The following CACNA2D1 variants were observed in gnomAD, a reference collection of about 807,000 sequenced individuals.
CACNA2D1 encodes the protein voltage-dependent calcium channel subunit alpha-2/delta-1.
In CACNA2D1, 53 loss-of-function variants were observed where a neutral mutation model predicts 171.5. The observed-to-expected ratio is 0.31, with a 90% CI of 0.25 to 0.39. The LOEUF (loss-of-function observed/expected upper bound fraction) is 0.39, where lower values mean the gene tolerates loss of function less well. CACNA2D1 is among the 10% of genes least tolerant of loss of function. The pLI, the probability that CACNA2D1 is intolerant of heterozygous loss-of-function variation, is 1.00. For missense variants in CACNA2D1, 903 were observed against 1,299.8 expected (o/e 0.69, Z 4.69); for synonymous variants, 442 against 443.1 (o/e 1.00, Z 0.03).
intron 10 of CACNA2D1, among the ~76,000 whole-genome samples, chr7:82,056,009 TA>T (rs61512655): frequency 0.095 from 3,990 of 41,906 alleles, 94 homozygotes; most frequent in African/African-American, 0.12. Context: ...ACTCAAAAGT[TA>T]AAAAAAAAAA....
intron 12 of CACNA2D1, chr7:82,027,595 A>G (rs1374515149): frequency 6.6e-6 from 1 of 151,692 alleles, no homozygotes; most frequent in African/African-American, 2.4e-5. Context: ...TATGCATATA[A>G]TCATATGTGT....
intron 3 of CACNA2D1, among the ~76,000 whole-genome samples, chr7:82,264,906 C>A (rs940319063): frequency 6.6e-6 from 1 of 152,150 alleles, no homozygotes; most frequent in East Asian, 1.9e-4. Context: ...GATATCTCCC[C>A]ATTGTTTCCC....
intron 2 of CACNA2D1, 95 bp downstream of exon 2, chr7:82,349,473 C>T: frequency 1.0e-6 from 1 of 983,366 alleles, no homozygotes; most frequent in Non-Finnish European, 1.6e-6. Flanking sequence ...GAAATCATAT[C>T]CCATTTGTAA....
chr7:82,334,618 T>C (rs1002548142), intron 3 of CACNA2D1, among the ~76,000 whole-genome samples: 5 of 151,886 alleles, frequency 3.3e-5, no homozygotes, highest in Non-Finnish European at 5.9e-5. Context: ...TGCTAAAAAG[T>C]AAGCAAACTA....
intron 6 of CACNA2D1, among the ~76,000 whole-genome samples, chr7:82,111,444 A>ATATATATATATTTTT (rs1207440298): frequency 1.4e-5 from 1 of 69,968 alleles, no homozygotes; most frequent in African/African-American, 6.8e-5. Flanking sequence ...ATATATATAT[A>ATATATATATATTTTT]TTTTTTTTTT....
rs139148700 is a variant in CACNA2D1, at chr7:82,191,277, A to G, written c.295-20668T>C. On this transcript the variant is annotated intron_variant, in intron 3 of 38. Transcript: ENST00000356860. The stretch of plus-strand genomic sequence containing the variant: ...TTAAGTTACATCTTTGCATCTATTC[A>G]ATATAATAATTCTAGCATGCTTACT... Among the ~76,000 whole-genome samples the G allele has an allele frequency of 9.0e-3, 1,373 of 151,916 alleles. 19 individuals are homozygous for G. Among genetic ancestry groups the G allele is most frequent in the Middle Eastern group, 0.017 (5 of 294 alleles).
At chr7:82,130,800 T>C (rs1393059987) in intron 5 of CACNA2D1, among the ~76,000 whole-genome samples, 2 of 95,978 alleles carry the variant, frequency 2.1e-5, no homozygotes, top group Admixed American at 1.1e-4. Context: ...TCTTTTTTTT[T>C]TTTTTTTTTT....
chr7:82,120,211 ATG>A (rs1789555782), intron 5 of CACNA2D1, among the ~76,000 whole-genome samples: 1 of 152,168 alleles, frequency 6.6e-6, no homozygotes, highest in Admixed American at 6.5e-5. Context: ...GTGTGTGTGC[ATG>A]TGTGTAGGAT....
At chr7:82,299,970 C>T (rs960922336) in intron 3 of CACNA2D1, among the ~76,000 whole-genome samples, 5 of 152,080 alleles carry the variant, frequency 3.3e-5, no homozygotes. Flanking sequence ...CTGAAATGGG[C>T]GCGTATGGAT....
At chr7:82,117,208 T>G in intron 5 of CACNA2D1, 35 bp from the exon 6 acceptor site, 1 of 1,605,770 alleles carries the variant, frequency 6.2e-7, no homozygotes, top group Middle Eastern at 1.7e-4. Flanking sequence ...ATATTACAAT[T>G]TTTGCTAACA....
chr7:82,432,192 T>C (rs1829744094), intron 1 of CACNA2D1, among the ~76,000 whole-genome samples: 1 of 152,094 alleles, frequency 6.6e-6, no homozygotes, highest in Admixed American at 6.5e-5. Context: ...ACACCAAAAT[T>C]AGTTCAAACT....
intron 1 of CACNA2D1, among the ~76,000 whole-genome samples, chr7:82,378,972 T>C (rs958142183): frequency 2.0e-4 from 30 of 151,692 alleles, no homozygotes; most frequent in Admixed American, 4.6e-4. Flanking sequence ...TGTGTGTGTG[T>C]GTGTGTGTGT....
chr7:82,226,997 T>C (rs77905789), intron 3 of CACNA2D1, among the ~76,000 whole-genome samples: 5,680 of 152,320 alleles, frequency 0.037, 149 homozygotes, highest in Middle Eastern at 0.082. Context: ...TATATTACCT[T>C]GGCACTTATT....
rs1792308596 is a variant in CACNA2D1, at chr7:81,949,574, G to A, written c.*818C>T. ...TCCCCCCTGACAAGCTTTTCTTAGA[G>A]CATTTTTAAATATCTGGCTAGCACT... On this transcript the variant is annotated 3_prime_UTR_variant, in exon 39 of 39. Transcript: ENST00000356860. 6.6e-6 allele frequency: 1 copy of A among 152,022 alleles called. No homozygotes were observed. The highest frequency in any genetic ancestry group is 2.1e-4 in the South Asian group (1 of 4,836). 9.4% of individuals were successfully genotyped at this position (152,022 alleles called of 1,614,324 possible). A position where few individuals can be genotyped will look rare whatever the true frequency, so the allele number is the denominator to read the frequency against.
chr7:82,283,148 C>T (rs1389487687), intron 3 of CACNA2D1, among the ~76,000 whole-genome samples: 5 of 151,584 alleles, frequency 3.3e-5, no homozygotes, highest in Admixed American at 6.6e-5. Context: ...AATCTAACTG[C>T]GGCTATTAAA....
chr7:82,286,370 A>G (rs1351489053), intron 3 of CACNA2D1, among the ~76,000 whole-genome samples: 1 of 152,114 alleles, frequency 6.6e-6, no homozygotes, highest in African/African-American at 2.4e-5. Flanking sequence ...ATTTATAATC[A>G]CTCGCAGGAA....
chr7:82,095,976 T>C (rs1408837140), intron 6 of CACNA2D1, among the ~76,000 whole-genome samples: 1 of 152,234 alleles, frequency 6.6e-6, no homozygotes, highest in Non-Finnish European at 1.5e-5. Context: ...ATAAGTCCTT[T>C]AAGTCAGTGA....
At chr7:81,959,636 C>T in intron 37 of CACNA2D1, 84 bp downstream of exon 37, 1 of 1,402,162 alleles carries the variant, frequency 7.1e-7, no homozygotes, top group African/African-American at 1.4e-5. Context: ...ATAGTTTTCT[C>T]TTTATGAATA....
chr7:82,398,075 T>A (rs1825934320), intron 1 of CACNA2D1, among the ~76,000 whole-genome samples: 1 of 152,200 alleles, frequency 6.6e-6, no homozygotes, highest in Non-Finnish European at 1.5e-5. Flanking sequence ...CTCTTTCGTC[T>A]GAATATCTAA....
Sources: gnomAD v4.1 joint callset for allele counts (sites outside exome capture counted in the v4.1 genomes callset) on GRCh38, gnomAD v4.1.1 for gene constraint, MANE v1.5 for transcripts, NCBI Gene and HGNC (gene_info 2026-07-23, HGNC 2026-07-21) for gene names.